Variants in BLMH observed in about 807,000 individuals in gnomAD.
BLMH encodes bleomycin hydrolase, also known as BLM hydrolase.
BLMH carries 32 observed loss-of-function variants against 61.6 expected under a neutral mutation model. The ratio of observed to expected loss-of-function variants is 0.52; its 90% CI spans 0.39 to 0.70. The LOEUF (loss-of-function observed/expected upper bound fraction) is 0.70. Ranked by LOEUF, BLMH falls within the 30% of genes least tolerant of loss-of-function variation. The probability of loss-of-function intolerance (pLI) is 0.00; values close to 1 mark genes in which losing one functional copy is unlikely to be tolerated. For missense variants in BLMH, 460 were observed against 555.5 expected (o/e 0.83, Z 1.73); for synonymous variants, 183 against 193.8 (o/e 0.94, Z 0.46).
At chr17:30,265,428 C>T (rs1254920812) in intron 11 of BLMH, among the ~76,000 whole-genome samples, 2 of 152,322 alleles carry the variant, frequency 1.3e-5, no homozygotes, top group African/African-American at 4.8e-5. Context: ...ACACCCCCTC[C>T]TCTACCTTTT....
intron 10 of BLMH, among the ~76,000 whole-genome samples, chr17:30,270,993 G>C (rs904912021): frequency 6.6e-6 from 1 of 152,152 alleles, no homozygotes; most frequent in Non-Finnish European, 1.5e-5. Flanking sequence ...AAGTTCCCTT[G>C]CTGACTTCTC....
intron 10 of BLMH, among the ~76,000 whole-genome samples, chr17:30,269,019 G>T (rs779081341): frequency 6.7e-6 from 1 of 150,128 alleles, no homozygotes; most frequent in South Asian, 2.1e-4. Context: ...CAGCCTGGGC[G>T]ACAGAGCAAG....
chr17:30,262,560 C>T (rs922044430), intron 11 of BLMH, among the ~76,000 whole-genome samples: 39 of 152,146 alleles, frequency 2.6e-4, no homozygotes, highest in Admixed American at 2.2e-3. Flanking sequence ...TTTGGGAGGC[C>T]GAGGTGGGAG....
In BLMH at chr17:30,291,747, G is replaced by A. The variant is rs865833565; in HGVS notation, c.13+60C>T. ...AGCCCCCGGCCTTCCCCGCCGCCGG[G>A]CCTCACGGGGACCGCGGAGCTCCTC... On this transcript the variant is annotated intron_variant, in intron 1 of 11. Coordinates refer to ENST00000261714, the MANE Select transcript of BLMH (RefSeq NM_000386.4). The A allele has an allele frequency of 1.1e-3, 1,538 of 1,422,942 alleles. 1 individual carries two copies. The highest frequency in any genetic ancestry group is 1.3e-3 in the Non-Finnish European group (1,392 of 1,092,116). 88.1% of individuals were successfully genotyped at this position (1,422,942 alleles called of 1,614,324 possible).
intron 6 of BLMH, among the ~76,000 whole-genome samples, chr17:30,282,878 A>G (rs1188898675): frequency 6.6e-6 from 1 of 152,246 alleles, no homozygotes; most frequent in African/African-American, 2.4e-5. Context: ...CCTTATACAC[A>G]GGGCCAGGTA....
chr17:30,268,075 C>T (rs910275786), intron 10 of BLMH, among the ~76,000 whole-genome samples: 5 of 152,196 alleles, frequency 3.3e-5, no homozygotes, highest in Admixed American at 6.5e-5. Flanking sequence ...AAAACCATAT[C>T]GTTATATACT....
At chr17:30,250,818 A>T (rs1015526108) in intron 11 of BLMH, among the ~76,000 whole-genome samples, 1 of 152,238 alleles carries the variant, frequency 6.6e-6, no homozygotes, top group African/African-American at 2.4e-5. Flanking sequence ...AACTACAAAA[A>T]CATGGAACCA....
At chr17:30,259,056 G>C (rs1420160243) in intron 11 of BLMH, among the ~76,000 whole-genome samples, 2 of 152,108 alleles carry the variant, frequency 1.3e-5, no homozygotes, top group South Asian at 2.1e-4. Context: ...CCCTAAGGAG[G>C]CCTCACAGTT....
chr17:30,260,178 G>A (rs556729748), intron 11 of BLMH, among the ~76,000 whole-genome samples: 29 of 152,154 alleles, frequency 1.9e-4, no homozygotes, highest in Admixed American at 1.3e-3. Flanking sequence ...AAATGCCAAT[G>A]ACCACTGTTA....
intron 10 of BLMH, 49 bp downstream of exon 10, chr17:30,271,222 T>C: frequency 3.8e-6 from 5 of 1,307,728 alleles, no homozygotes; most frequent in Non-Finnish European, 5.5e-6. Context: ...TACAGGAGAA[T>C]GTAGATCCAT....
chr17:30,288,598 C>T (rs892925090), intron 3 of BLMH, among the ~76,000 whole-genome samples: 2 of 152,142 alleles, frequency 1.3e-5, no homozygotes, highest in Non-Finnish European at 2.9e-5. Flanking sequence ...CCTCTCACCT[C>T]AGCCTCCCAA....
At position 30,274,087 on chromosome 17, in the gene BLMH, C is replaced by T. The variant is rs1908352099; in HGVS notation, c.756G>A (p.Glu252=). The change falls in exon 7 of 12, where the codon GAG becomes GAA. Residue 252 remains glutamate, a synonymous_variant. Transcript: ENST00000261714. Reference sequence around the variant, plus strand: ...GTGGCTTGACATGTTCCCTGTAAAACTCCAAGGGTGTTATGGGGCCAATTT... The same window carrying T: ...GTGGCTTGACATGTTCCCTGTAAAATTCCAAGGGTGTTATGGGGCCAATTT... ...YQKIGPITPL[E]FYREHVKPLF... is the part of the protein sequence containing the mutation. 1 of 1,614,118 alleles carries T rather than the reference C, an allele frequency of 6.2e-7. No individual in the cohort carries two copies. Among genetic ancestry groups the T allele is most frequent in the Non-Finnish European group, 8.5e-7 (1 of 1,180,012 alleles).
chr17:30,268,296 G>C (rs574823669), intron 10 of BLMH, among the ~76,000 whole-genome samples: 3 of 152,040 alleles, frequency 2.0e-5, no homozygotes, highest in Admixed American at 6.6e-5. Flanking sequence ...TTGTTCTCTG[G>C]GTCATCTACA....
chr17:30,268,928 C>A (rs1205278783), intron 10 of BLMH, among the ~76,000 whole-genome samples: 3 of 149,020 alleles, frequency 2.0e-5, no homozygotes. Flanking sequence ...TGCACGCCTG[C>A]ACTCAGGAGG....
At chr17:30,276,832 G>A (rs1044656852) in intron 6 of BLMH, among the ~76,000 whole-genome samples, 1 of 152,114 alleles carries the variant, frequency 6.6e-6, no homozygotes, top group Admixed American at 6.5e-5. Context: ...CCAGGCTCTG[G>A]AGGTTCTCTG....
intron 11 of BLMH, among the ~76,000 whole-genome samples, chr17:30,266,360 T>C (rs1303606493): frequency 1.3e-5 from 2 of 151,686 alleles, no homozygotes; most frequent in African/African-American, 2.4e-5. Context: ...ACCCCGTCTC[T>C]ACTAAAAATA....
At chr17:30,258,092 T>A (rs890027828) in intron 11 of BLMH, among the ~76,000 whole-genome samples, 2 of 152,122 alleles carry the variant, frequency 1.3e-5, no homozygotes, top group Non-Finnish European at 2.9e-5. Flanking sequence ...CTCAGCCCCC[T>A]GGGTAGCTAA....
At chr17:30,285,887 C>G (rs1267225610) in intron 5 of BLMH, among the ~76,000 whole-genome samples, 1 of 152,054 alleles carries the variant, frequency 6.6e-6, no homozygotes, top group Non-Finnish European at 1.5e-5. Context: ...TCCTTCTCTG[C>G]CGGCTGACTA....
chr17:30,282,397 T>C (rs1008409393), intron 6 of BLMH, among the ~76,000 whole-genome samples: 4 of 152,070 alleles, frequency 2.6e-5, no homozygotes, highest in Admixed American at 6.5e-5. Context: ...TTTCGTATTT[T>C]AGTAGAGACG....
Sources: gnomAD v4.1 joint callset for allele counts (sites outside exome capture counted in the v4.1 genomes callset) on GRCh38, gnomAD v4.1.1 for gene constraint, MANE v1.5 for transcripts, NCBI Gene and HGNC (gene_info 2026-07-23, HGNC 2026-07-21) for gene names.